The following WDR7 variants were observed in gnomAD, a reference collection of about 807,000 sequenced individuals.
WDR7 encodes WD repeat domain 7, also known as WD repeat-containing protein 7.
WDR7 carries 46 observed loss-of-function variants against 169.4 expected under a neutral mutation model. The observed-to-expected ratio is 0.27, with a 90% CI of 0.21 to 0.35. WDR7 has a LOEUF of 0.35. Ranked by LOEUF, WDR7 falls within the 10% of genes least tolerant of loss-of-function variation. The pLI is 1.00. For synonymous variants in WDR7, 612 were observed against 666.8 expected (o/e 0.92, Z 1.27); for missense variants, 1,534 against 1,859.3 (o/e 0.83, Z 3.22).
At chr18:56,968,708 C>T (rs553640356) in intron 26 of WDR7, among the ~76,000 whole-genome samples, 1 of 152,234 alleles carries the variant, frequency 6.6e-6, no homozygotes, top group South Asian at 2.1e-4. Flanking sequence ...TACAGCACCC[C>T]CTCCACCCCA....
chr18:56,930,391 C>T (rs2046866118), intron 22 of WDR7, among the ~76,000 whole-genome samples: 1 of 152,154 alleles, frequency 6.6e-6, no homozygotes, highest in South Asian at 2.1e-4. Context: ...TTAAGCTATT[C>T]ATATTTTTCC....
chr18:56,793,612 T>C (rs1226409628), intron 19 of WDR7, among the ~76,000 whole-genome samples: 4 of 152,366 alleles, frequency 2.6e-5, no homozygotes, highest in East Asian at 1.9e-4. Context: ...GGAATTCTTA[T>C]GTAATTAATT....
chr18:56,777,693 C>T (rs535102013), intron 17 of WDR7, among the ~76,000 whole-genome samples: 1 of 152,232 alleles, frequency 6.6e-6, no homozygotes, highest in Non-Finnish European at 1.5e-5. Flanking sequence ...AGACCTGGCT[C>T]TTCATGAAAA....
rs145408465 is a variant in WDR7, at chr18:56,776,117, A to T, written c.2849-665A>T. ...TTGAGGGGTTAGGGAGTGAATTGGT[A>T]CCTCTATAAGAAATATAAAATTCAC... On this transcript the variant is annotated intron_variant, in intron 16 of 27. Transcript: ENST00000254442. Among the ~76,000 whole-genome samples, 23 of 152,126 alleles carry T rather than the reference A, an allele frequency of 1.5e-4. No homozygotes were observed. In the East Asian group the frequency reaches 4.2e-3, roughly 28 times the overall value.
At chr18:56,916,927 G>A (rs576561945) in intron 21 of WDR7, among the ~76,000 whole-genome samples, 1 of 152,282 alleles carries the variant, frequency 6.6e-6, no homozygotes, top group East Asian at 1.9e-4. Flanking sequence ...GCCGGGCGTG[G>A]TGGCTCACGC....
rs1226348026 is a variant in WDR7 at position 56,700,252 on chromosome 18, C to CTTTTTTTTT, written c.1578+3805_1578+3813dup. Among the ~76,000 whole-genome samples, 123 of 67,248 alleles carry CTTTTTTTTT rather than the reference C, an allele frequency of 1.8e-3. 3 individuals are homozygous for CTTTTTTTTT. Among genetic ancestry groups the CTTTTTTTTT allele is most frequent in the Non-Finnish European group, 2.0e-3 (79 of 39,212 alleles). The allele number at this position is 67,248 out of a possible 152,430, so 44.1% of individuals were successfully genotyped here. ...AAAGATACTGTTTATTTTTCATTTT[C>CTTTTTTTTT]TTTTTTTTTTTTTTTTTTTTTTTGA... On this transcript the variant is annotated intron_variant, in intron 12 of 27. Coordinates refer to ENST00000254442, the MANE Select transcript of WDR7 (RefSeq NM_015285.3).
intron 19 of WDR7, among the ~76,000 whole-genome samples, chr18:56,787,129 G>A (rs2044413208): frequency 6.6e-6 from 1 of 151,996 alleles, no homozygotes; most frequent in African/African-American, 2.4e-5. Context: ...TTTGAGAATT[G>A]ACTTTTTTAT....
At chr18:56,769,219 CTTT>C (rs751577805) in intron 16 of WDR7, among the ~76,000 whole-genome samples, 2 of 142,698 alleles carry the variant, frequency 1.4e-5, no homozygotes, top group Non-Finnish European at 1.5e-5. Flanking sequence ...GGCTTTTCTG[CTTT>C]TTTTTTTTTT....
chr18:56,962,430 G>T lies in WDR7; in HGVS notation c.4065G>T (p.Arg1355Ser). ...TTTGTTGTTAAAATGTTCAACTCAGGTTCTACATGGTCAGCTATTATGAGC... is the reference window on the plus strand; with the variant it reads ...TTTGTTGTTAAAATGTTCAACTCAGTTTCTACATGGTCAGCTATTATGAGC... ...GLQECFPAICRFYMVSYYERN... is the reference protein window; with the variant it reads ...GLQECFPAICSFYMVSYYERN... Residue 1355 changes from arginine (R) to serine (S), a missense_variant and splice_region_variant, in exon 26 of 28, where the codon AGG (arginine) becomes AGT (serine). Transcript: ENST00000254442. 1.2e-6 allele frequency: 2 copies of T among 1,612,726 alleles called. No homozygotes were observed. The highest frequency in any genetic ancestry group is 1.7e-6 in the Non-Finnish European group (2 of 1,179,130).
intron 26 of WDR7, among the ~76,000 whole-genome samples, chr18:56,995,386 C>T (rs754341556): frequency 9.9e-5 from 15 of 152,054 alleles, no homozygotes; most frequent in Non-Finnish European, 2.2e-4. Context: ...GAATGTGTAG[C>T]ATCTATTAGG....
intron 21 of WDR7, among the ~76,000 whole-genome samples, chr18:56,881,774 C>CAT (rs2046111489): frequency 6.6e-6 from 1 of 151,980 alleles, no homozygotes; most frequent in South Asian, 2.1e-4. Context: ...TTCATAGAGA[C>CAT]GGGGTTTCCC....
chr18:56,774,259 T>C (rs111700461), intron 16 of WDR7, among the ~76,000 whole-genome samples: 2,048 of 152,152 alleles, frequency 0.013, 45 homozygotes, highest in African/African-American at 0.047. Flanking sequence ...ACTCAAATAT[T>C]CCTGTTGAGA....
chr18:56,779,847 A>G (rs73958316), intron 18 of WDR7, among the ~76,000 whole-genome samples: 7,398 of 152,300 alleles, frequency 0.049, 605 homozygotes, highest in African/African-American at 0.17. Flanking sequence ...ACACTCATGC[A>G]TAAACAAATA....
chr18:56,839,801 G>A (rs954246175), intron 20 of WDR7, among the ~76,000 whole-genome samples: 1 of 152,138 alleles, frequency 6.6e-6, no homozygotes, highest in Non-Finnish European at 1.5e-5. Flanking sequence ...GGTGGCTCAC[G>A]CCTGTAATCC....
At chr18:57,016,333 T>A (rs968171953) in intron 26 of WDR7, among the ~76,000 whole-genome samples, 7 of 152,212 alleles carry the variant, frequency 4.6e-5, no homozygotes, top group African/African-American at 1.2e-4. Flanking sequence ...AATCTTTTCC[T>A]TGTGCTGGTA....
chr18:56,955,865 A>G (rs1416077425), intron 25 of WDR7, among the ~76,000 whole-genome samples: 1 of 152,208 alleles, frequency 6.6e-6, no homozygotes. Flanking sequence ...GAACTTACTC[A>G]TGGTTACACA....
At chr18:56,971,532 G>A (rs1399402981) in intron 26 of WDR7, among the ~76,000 whole-genome samples, 2 of 152,078 alleles carry the variant, frequency 1.3e-5, no homozygotes, top group Non-Finnish European at 2.9e-5. Context: ...ATCCATAATT[G>A]AAGTGCCGTG....
intron 1 of WDR7, among the ~76,000 whole-genome samples, chr18:56,665,269 G>A (rs1380133636): frequency 6.9e-6 from 1 of 145,348 alleles, no homozygotes; most frequent in Non-Finnish European, 1.5e-5. Context: ...CTCCCGCCTG[G>A]GTGACAAGAG....
At chr18:56,961,271 A>AT (rs2047335395) in intron 25 of WDR7, among the ~76,000 whole-genome samples, 1 of 152,062 alleles carries the variant, frequency 6.6e-6, no homozygotes, top group African/African-American at 2.4e-5. Context: ...ATGCTGTCCC[A>AT]TGCCCTGGTA....
Sources: allele counts gnomAD v4.1 joint callset (sites outside exome capture counted in the v4.1 genomes callset), GRCh38; gene constraint gnomAD v4.1.1; transcripts MANE v1.5; gene names NCBI Gene and HGNC (gene_info 2026-07-23, HGNC 2026-07-21).